The following CALN1 variants were observed in gnomAD, a reference collection of about 807,000 sequenced individuals.
CALN1 encodes calcium-binding protein 8.
CALN1 carries 17 observed loss-of-function variants against 30.6 expected under a neutral mutation model. That is an observed-to-expected ratio of 0.56 (90% CI 0.38 to 0.83). CALN1 has a LOEUF of 0.83. Ranked by LOEUF, CALN1 falls within the 40% of genes least tolerant of loss-of-function variation. The pLI is 0.00. For synonymous variants in CALN1, 156 were observed against 131.4 expected (o/e 1.19, Z -1.28); for missense variants, 291 against 354.9 (o/e 0.82, Z 1.45).
At chr7:71,907,863 T>A (rs755224458) in intron 5 of CALN1, among the ~76,000 whole-genome samples, 17 of 152,386 alleles carry the variant, frequency 1.1e-4, no homozygotes, top group Non-Finnish European at 2.4e-4. Context: ...TGTCATGCGC[T>A]TATTTTGTAT....
intron 3 of CALN1, among the ~76,000 whole-genome samples, chr7:72,229,900 TG>T (rs1281356719): frequency 6.6e-6 from 1 of 151,816 alleles, no homozygotes; most frequent in Non-Finnish European, 1.5e-5. Context: ...CTCAGCACTT[TG>T]GGAGGCTGAG....
intron 3 of CALN1, among the ~76,000 whole-genome samples, chr7:72,178,856 G>A (rs929885946): frequency 3.9e-5 from 6 of 152,056 alleles, no homozygotes; most frequent in African/African-American, 1.4e-4. Context: ...ATTTTGAAAT[G>A]CTTTGTTCTT....
At chr7:72,053,677 C>CA (rs1490854567) in intron 4 of CALN1, among the ~76,000 whole-genome samples, 2 of 151,826 alleles carry the variant, frequency 1.3e-5, no homozygotes, top group Non-Finnish European at 2.9e-5. Context: ...TACTGGGGTA[C>CA]AGGTGGTATT....
At chr7:72,294,735 C>CT (rs1426245483) in intron 2 of CALN1, among the ~76,000 whole-genome samples, 3 of 122,668 alleles carry the variant, frequency 2.4e-5, no homozygotes, top group African/African-American at 3.8e-5. Context: ...ACGACAAAGA[C>CT]TGTCTCTAAA....
In CALN1 at chr7:72,106,240, T is replaced by C. The variant is rs766965518; in HGVS notation, c.299A>G (p.Lys100Arg). 2 of 1,614,048 alleles carry C rather than the reference T, an allele frequency of 1.2e-6. No homozygotes were observed. The highest frequency in any genetic ancestry group is 2.2e-5 in the East Asian group (1 of 44,836). Reference protein sequence around the residue: ...LDRDGNGFISKQELGMAMRSL... With the variant: ...LDRDGNGFISRQELGMAMRSL... The stretch of plus-strand genomic sequence containing the variant: ...GCGCATGGCCATGCCCAGCTCCTGC[T>C]TGGAGATGAAGCCGTTCCCATCCCG... The change falls in exon 4 of 7, where the codon AAG (lysine) becomes AGG (arginine). Residue 100 changes from lysine to arginine, a missense_variant. By Grantham distance (26) the Lys-to-Arg change is conservative (BLOSUM62 2). Around this residue, in one of 2 missense-constraint regions of CALN1, gnomAD observed 169 missense variants for 251.7 expected, o/e 0.67. Coordinates refer to ENST00000395275, the MANE Select transcript of CALN1 (RefSeq NM_031468.4).
chr7:72,363,958 C>A (rs1803721147), intron 2 of CALN1, among the ~76,000 whole-genome samples: 1 of 151,986 alleles, frequency 6.6e-6, no homozygotes, highest in South Asian at 2.1e-4. Context: ...TGGTCTCAAA[C>A]CCCTGACCTC....
In CALN1 at chr7:72,121,962, G is replaced by A. The variant is rs183810396; in HGVS notation, c.245-15668C>T. Among the ~76,000 whole-genome samples, 11 of 149,444 alleles carry A rather than the reference G, an allele frequency of 7.4e-5. 1 individual carries two copies. The East Asian group carries it at 2.0e-3, about 27-fold the overall frequency. On this transcript the variant is annotated intron_variant, in intron 3 of 6. Transcript: ENST00000395275. ...TAATAGTTTGTTCTACAGAAAGATC[G>A]ACCTTTTCCCATGTTCCAGCAAACT... is the stretch of plus-strand genomic sequence containing the variant.
intron 3 of CALN1, among the ~76,000 whole-genome samples, chr7:72,141,297 A>C (rs983140936): frequency 1.4e-5 from 2 of 144,480 alleles, no homozygotes; most frequent in African/African-American, 5.8e-5. Flanking sequence ...GTCTTAAAAA[A>C]AGAAAAGAAA....
chr7:72,334,982 G>A (rs764259182), intron 2 of CALN1, among the ~76,000 whole-genome samples: 1 of 152,164 alleles, frequency 6.6e-6, no homozygotes, highest in Non-Finnish European at 1.5e-5. Flanking sequence ...TTTGGTAGAA[G>A]ACCCCACCAA....
At chr7:72,169,243 A>G (rs1320260054) in intron 3 of CALN1, among the ~76,000 whole-genome samples, 2 of 152,098 alleles carry the variant, frequency 1.3e-5, no homozygotes, top group African/African-American at 2.4e-5. Context: ...AAGCTCCAAA[A>G]AAGTAAAATT....
chr7:71,787,588 C>T lies in CALN1; in HGVS notation c.*187G>A, dbSNP rs1793047267. On this transcript the variant is annotated 3_prime_UTR_variant, in exon 7 of 7. Coordinates refer to ENST00000395275, the MANE Select transcript of CALN1 (RefSeq NM_031468.4). Reference sequence around the variant, plus strand: ...CACTGAAGACAGCCCTTTAGTGTCCCTGCCAAGGAGATGAAGCTGAAGTGC... The same window carrying T: ...CACTGAAGACAGCCCTTTAGTGTCCTTGCCAAGGAGATGAAGCTGAAGTGC... 3.0e-6 allele frequency: 2 copies of T among 672,776 alleles called. No individual in the cohort carries two copies. The highest frequency in any genetic ancestry group is 4.7e-6 in the Non-Finnish European group (2 of 421,834). 41.7% of individuals were successfully genotyped at this position (672,776 alleles called of 1,614,324 possible).
intron 5 of CALN1, among the ~76,000 whole-genome samples, chr7:71,846,211 A>G (rs916664265): frequency 7.9e-5 from 12 of 152,112 alleles, no homozygotes; most frequent in African/African-American, 2.9e-4. Context: ...AGCGAAACAC[A>G]CTTCTCATTG....
chr7:72,223,824 A>G (rs1793480553), intron 3 of CALN1, among the ~76,000 whole-genome samples: 1 of 152,220 alleles, frequency 6.6e-6, no homozygotes, highest in Non-Finnish European at 1.5e-5. Context: ...AGCCATAAAA[A>G]AGAAGGAAAT....
At chr7:72,062,025 C>G (rs1803690404) in intron 4 of CALN1, among the ~76,000 whole-genome samples, 1 of 152,028 alleles carries the variant, frequency 6.6e-6, no homozygotes, top group African/African-American at 2.4e-5. Flanking sequence ...ACACTGAGAC[C>G]AGAAGGAAGT....
intron 5 of CALN1, among the ~76,000 whole-genome samples, chr7:71,952,994 T>C (rs949765501): frequency 2.0e-5 from 3 of 152,184 alleles, no homozygotes; most frequent in Non-Finnish European, 4.4e-5. Context: ...TCTTGCCCTG[T>C]CATCCAGTTT....
intron 2 of CALN1, among the ~76,000 whole-genome samples, chr7:72,299,126 A>G (rs995856845): frequency 3.3e-5 from 5 of 152,158 alleles, no homozygotes; most frequent in African/African-American, 1.2e-4. Flanking sequence ...TTCACACCAG[A>G]CCAGACAGCA....
At chr7:72,403,970 C>G (rs1806528069) in intron 1 of CALN1, among the ~76,000 whole-genome samples, 1 of 152,166 alleles carries the variant, frequency 6.6e-6, no homozygotes, top group African/African-American at 2.4e-5. Flanking sequence ...TTAAAGCATA[C>G]AGCATCCAAG....
intron 1 of CALN1, among the ~76,000 whole-genome samples, chr7:72,407,895 A>C (rs980068658): frequency 3.9e-5 from 6 of 152,108 alleles, no homozygotes; most frequent in Admixed American, 6.6e-5. Flanking sequence ...AAACTCAGAC[A>C]CAAACACACG....
intron 5 of CALN1, among the ~76,000 whole-genome samples, chr7:71,829,023 G>A (rs1186575970): frequency 6.6e-6 from 1 of 152,028 alleles, no homozygotes; most frequent in Admixed American, 6.6e-5. Flanking sequence ...GGGATTACAG[G>A]TGTGATCCAC....
Sources: gnomAD v4.1 joint callset for allele counts (sites outside exome capture counted in the v4.1 genomes callset) on GRCh38, gnomAD v4.1.1 for gene constraint, gnomAD v4.1.1 regional missense constraint, MANE v1.5 for transcripts, NCBI Gene and HGNC (gene_info 2026-07-23, HGNC 2026-07-21) for gene names.